DRC1: variants seen among roughly 807,000 people sequenced by gnomAD.
DRC1 encodes dynein regulatory complex protein 1.
A neutral mutation model predicts 98.7 loss-of-function variants in DRC1; 74 were observed. The observed-to-expected ratio is 0.75, with a 90% CI of 0.62 to 0.91. The LOEUF (loss-of-function observed/expected upper bound fraction) is 0.91. Ranked by LOEUF, DRC1 falls within the 40% of genes least tolerant of loss-of-function variation. The pLI, the probability that DRC1 is intolerant of heterozygous loss-of-function variation, is 0.00. For missense variants in DRC1, 875 were observed against 886.0 expected, an observed-to-expected ratio of 0.99 and a Z score of 0.16; for synonymous variants, 336 against 334.1, an observed-to-expected ratio of 1.01 and a Z score of -0.06.
intron 7 of DRC1, among the ~76,000 whole-genome samples, chr2:26,437,906 T>G (rs1262781224): frequency 1.3e-5 from 2 of 151,620 alleles, no homozygotes; most frequent in Non-Finnish European, 2.9e-5. Flanking sequence ...CTGGCCAACA[T>G]GGTGAAACCC....
Position 26,439,926 on chromosome 2 carries a change from T to TAC in DRC1, c.889-451_889-450insCA, listed in dbSNP as rs1410277278. 2.8e-5 allele frequency among the ~76,000 whole-genome samples: 3 copies of TAC among 107,034 alleles called. No homozygotes were observed. In the East Asian group the frequency reaches 6.4e-4, roughly 23 times the overall value. The allele number at this position is 107,034 out of a possible 152,430, so 70.2% of individuals were successfully genotyped here. On this transcript the variant is annotated intron_variant, in intron 7 of 16. Coordinates refer to ENST00000288710, the MANE Select transcript of DRC1 (RefSeq NM_145038.5). ...GCTAGGGCCAACTAGTGTGTGAATATATATATATATACACACACACATACA... is the reference window on the plus strand; with the variant it reads ...GCTAGGGCCAACTAGTGTGTGAATATACATATATATATACACACACACATACA...
At chr2:26,414,620 T>G (rs960829158) in intron 2 of DRC1, among the ~76,000 whole-genome samples, 189 bp downstream of exon 2, 1 of 152,244 alleles carries the variant, frequency 6.6e-6, no homozygotes, top group African/African-American at 2.4e-5. Context: ...ATATTTACGC[T>G]GTCTCTTCTC....
intron 16 of DRC1, 90 bp from the exon 17 acceptor site, chr2:26,456,371 G>A: frequency 6.6e-7 from 1 of 1,519,366 alleles, no homozygotes; most frequent in South Asian, 1.2e-5. Flanking sequence ...GGGCTTTGGA[G>A]GCCCATGGGA....
chr2:26,412,207 A>T (rs1678631077), intron 1 of DRC1, among the ~76,000 whole-genome samples: 1 of 152,172 alleles, frequency 6.6e-6, no homozygotes, highest in African/African-American at 2.4e-5. Context: ...CAAAGGGAGT[A>T]GAGATGGAAG....
chr2:26,454,299 T>G lies in DRC1; in HGVS notation c.1920-348T>G, dbSNP rs1282506866. Among the ~76,000 whole-genome samples the G allele has an allele frequency of 6.6e-6, 1 of 152,142 alleles. No homozygotes were observed. The highest frequency in any genetic ancestry group is 1.5e-5 in the Non-Finnish European group (1 of 68,040). On this transcript the variant is annotated intron_variant, in intron 14 of 16. Coordinates refer to ENST00000288710, the MANE Select transcript of DRC1 (RefSeq NM_145038.5). This position sits in a 1 kb window ranked among gnomAD's most constrained non-coding sequence, Gnocchi z 5.2. ...AGGTGAGGATCCCCCAGATTAAGGC[T>G]GTCATGAGGGGATGGAGAGGACATG...
chr2:26,427,035 G>A (rs1249104271), intron 4 of DRC1, among the ~76,000 whole-genome samples: 2 of 152,080 alleles, frequency 1.3e-5, no homozygotes, highest in African/African-American at 4.8e-5. Context: ...ATAGTAAATG[G>A]ATTATTTTCT....
chr2:26,408,640 G>A lies in DRC1; in HGVS notation c.156-5704G>A, dbSNP rs938672871. ...ATATGAAAATTAGCGGCGTGGTGGT[G>A]CATGCCTGTAATCCCAGCTACTTGG... On this transcript the variant is annotated intron_variant, in intron 1 of 16. Transcript: ENST00000288710. Among the ~76,000 whole-genome samples, 5 of 152,068 alleles carry A rather than the reference G, an allele frequency of 3.3e-5. 1 individual carries two copies. The highest frequency in any genetic ancestry group is 1.2e-4 in the African/African-American group (5 of 41,394).
At chr2:26,435,600 G>A (rs1383590134) in intron 7 of DRC1, among the ~76,000 whole-genome samples, 3 of 152,106 alleles carry the variant, frequency 2.0e-5, no homozygotes, top group Non-Finnish European at 2.9e-5. Context: ...GGGCCCCAGT[G>A]TCTACTGTTC....
intron 1 of DRC1, among the ~76,000 whole-genome samples, chr2:26,402,748 T>A (rs1446205981): frequency 6.6e-6 from 1 of 152,232 alleles, no homozygotes; most frequent in Admixed American, 6.5e-5. Flanking sequence ...CAAACTTGAA[T>A]GACATGGCAG....
intron 10 of DRC1, among the ~76,000 whole-genome samples, chr2:26,445,459 G>T (rs1317225949): frequency 6.6e-6 from 1 of 152,164 alleles, no homozygotes; most frequent in Admixed American, 6.6e-5. Flanking sequence ...AAAATAATGG[G>T]TTGGGCCTCT....
Position 26,429,698 on chromosome 2 carries a change from T to C in DRC1, c.611T>C (p.Leu204Pro), listed in dbSNP as rs772118441. The C allele has an allele frequency of 6.2e-7, 1 of 1,614,204 alleles. No individual in the cohort carries two copies. The highest frequency in any genetic ancestry group is 1.1e-5 in the South Asian group (1 of 91,082). ...KKQSDDICLLLERMEEQVKNV... is the reference protein window; with the variant it reads ...KKQSDDICLLPERMEEQVKNV... The stretch of plus-strand genomic sequence containing the variant: ...CAGTCAGATGACATCTGCCTGCTTC[T>C]GGAGCGGATGGAAGAACAGGTGAAG... The change falls in exon 5 of 17, where the codon CTG becomes CCG. Residue 204 changes from leucine (L) to proline (P), a missense_variant. Leu to Pro is a moderately conservative substitution (Grantham distance 98, BLOSUM62 -3). Coordinates refer to ENST00000288710, the MANE Select transcript of DRC1 (RefSeq NM_145038.5).
chr2:26,432,197 A>G (rs1428679733), intron 7 of DRC1, among the ~76,000 whole-genome samples, 191 bp downstream of exon 7: 3 of 152,192 alleles, frequency 2.0e-5, no homozygotes, highest in Non-Finnish European at 4.4e-5. Context: ...TGCTTTCTTT[A>G]AGAAACCAGT....
intron 7 of DRC1, among the ~76,000 whole-genome samples, chr2:26,438,963 A>C (rs139892687): frequency 0.02 from 3,008 of 152,066 alleles, 85 homozygotes; most frequent in South Asian, 0.12. Context: ...TTTTTCACAA[A>C]CTGTCAGGGT....
At chr2:26,433,195 CTAAAAAATGTA>C (rs1432892079) in intron 7 of DRC1, among the ~76,000 whole-genome samples, 1 of 152,146 alleles carries the variant, frequency 6.6e-6, no homozygotes. Flanking sequence ...ACAATACCAG[CTAAAAAATGTA>C]TCTCTAATTA....
rs933026039 is a variant in DRC1 at position 26,453,502 on chromosome 2, T to A, written c.1872T>A (p.Asp624Glu). The A allele has an allele frequency of 3.7e-6, 6 of 1,614,062 alleles. No individual in the cohort carries two copies. Among genetic ancestry groups the A allele is most frequent in the Non-Finnish European group, 5.1e-6 (6 of 1,180,042 alleles). ...PPSPWVIHPN[D>E]VLKILEAFVM... is the part of the protein sequence containing the mutation. ...CCCCCTGGGTCATCCACCCCAATGA[T>A]GTCCTCAAGATTCTGGAGGCCTTCG... Residue 624 changes from aspartate to glutamate, a missense_variant, in exon 14 of 17, where the codon GAT (aspartate) becomes GAA (glutamate). By Grantham distance (45) the Asp-to-Glu change is conservative (BLOSUM62 2). Coordinates refer to ENST00000288710, the MANE Select transcript of DRC1 (RefSeq NM_145038.5).
At chr2:26,406,889 C>T (rs1678447257) in intron 1 of DRC1, among the ~76,000 whole-genome samples, 1 of 138,596 alleles carries the variant, frequency 7.2e-6, no homozygotes, top group Admixed American at 7.7e-5. Context: ...GTGACCTTGG[C>T]TCACTGCAAC....
chr2:26,445,263 T>C (rs1384167747), intron 10 of DRC1, among the ~76,000 whole-genome samples: 1 of 152,216 alleles, frequency 6.6e-6, no homozygotes, highest in Non-Finnish European at 1.5e-5. Flanking sequence ...CTAATCATTG[T>C]CTAAGATCCA....
rs142293613 is a variant in DRC1 at position 26,424,573 on chromosome 2, T to C, written c.540+119T>C. The C allele has an allele frequency of 1.1e-3, 1,166 of 1,046,722 alleles. 6 individuals are homozygous for C. In the African/African-American group the frequency reaches 0.015, roughly 14 times the overall value. 64.8% of individuals were successfully genotyped at this position (1,046,722 alleles called of 1,614,324 possible). On this transcript the variant is annotated intron_variant, in intron 4 of 16. Transcript: ENST00000288710. ...AAACCTTTTACTTCATTATTTAGAA[T>C]GCTGTACAAGTCATGTTATAAACTT...
chr2:26,436,069 C>T (rs187598082), intron 7 of DRC1, among the ~76,000 whole-genome samples: 14 of 152,220 alleles, frequency 9.2e-5, no homozygotes, highest in African/African-American at 3.4e-4. Flanking sequence ...ATTTACCTTC[C>T]CTCCAGCAGT....
Sources: allele counts gnomAD v4.1 joint callset (sites outside exome capture counted in the v4.1 genomes callset), GRCh38; gene constraint gnomAD v4.1.1; non-coding constraint Gnocchi (gnomAD v3.1); transcripts MANE v1.5; gene names NCBI Gene and HGNC (gene_info 2026-07-23, HGNC 2026-07-21).